The following ARHGAP39 variants were observed in gnomAD, a reference collection of about 807,000 sequenced individuals.
ARHGAP39 encodes the protein Rho GTPase activating protein 39.
ARHGAP39 carries 44 observed loss-of-function variants against 106.9 expected under a neutral mutation model. The ratio of observed to expected loss-of-function variants is 0.41; its 90% CI spans 0.32 to 0.53. The LOEUF (loss-of-function observed/expected upper bound fraction) is 0.53, where lower values mean the gene tolerates loss of function less well. Among genes scored for constraint, ARHGAP39 ranks in the 20% least tolerant of loss-of-function variants. The pLI is 0.21. For synonymous variants in ARHGAP39, 768 were observed against 693.2 expected, an observed-to-expected ratio of 1.11 and a Z score of -1.69; for missense variants, 1,496 against 1,577.3, an observed-to-expected ratio of 0.95 and a Z score of 0.87.
intron 3 of ARHGAP39, among the ~76,000 whole-genome samples, chr8:144,569,215 G>A (rs973943346): frequency 6.6e-6 from 1 of 152,138 alleles, no homozygotes; most frequent in African/African-American, 2.4e-5. Flanking sequence ...AACAAAGAGG[G>A]TCAATGATGA....
chr8:144,620,238 T>TG (rs1447519864), intron 1 of ARHGAP39, among the ~76,000 whole-genome samples: 1 of 145,784 alleles, frequency 6.9e-6, no homozygotes, highest in East Asian at 2.2e-4. Flanking sequence ...TGTGTGCCCG[T>TG]GTCTGTTAGC....
In ARHGAP39 at chr8:144,591,121, G is replaced by T. The variant is rs1420918651; in HGVS notation, c.81-9844C>A. Among the ~76,000 whole-genome samples the T allele has an allele frequency of 6.6e-6, 1 of 152,162 alleles. No individual in the cohort carries two copies. The highest frequency in any genetic ancestry group is 1.5e-5 in the Non-Finnish European group (1 of 68,018). ...TGCTTCCATGACCTCCTGGAGCCGG[G>T]TGGCTGCGCAGGCCTGGGGTGCAAG... is the stretch of plus-strand genomic sequence containing the variant. On this transcript the variant is annotated intron_variant, in intron 2 of 11. Transcript: ENST00000377307. This position sits in a 1 kb window ranked among gnomAD's most constrained non-coding sequence, Gnocchi z 5.3.
At chr8:144,606,796 G>C (rs2130948214) in intron 1 of ARHGAP39, among the ~76,000 whole-genome samples, 1 of 152,256 alleles carries the variant, frequency 6.6e-6, no homozygotes, top group South Asian at 2.1e-4. Flanking sequence ...GTAAAACTTA[G>C]TTCTAGATGC....
chr8:144,550,546 G>A (rs1311931341), intron 4 of ARHGAP39, among the ~76,000 whole-genome samples: 1 of 152,256 alleles, frequency 6.6e-6, no homozygotes, highest in African/African-American at 2.4e-5. Flanking sequence ...CATTGCCTGG[G>A]GGGTTGGTGA....
At chr8:144,608,215 T>G (rs1820369474) in intron 1 of ARHGAP39, among the ~76,000 whole-genome samples, 1 of 151,858 alleles carries the variant, frequency 6.6e-6, no homozygotes, top group Admixed American at 6.6e-5. Flanking sequence ...TCAAATATTT[T>G]TAATTTCTTG....
At chr8:144,699,118 G>C in the ARHGAP39 span, 1 of 319,080 alleles carries the variant, frequency 3.1e-6, no homozygotes. Context: ...CTCAGGCGCT[G>C]GGCGATGCAG....
chr8:144,543,416 G>A (rs1021577765), intron 6 of ARHGAP39, among the ~76,000 whole-genome samples: 5 of 152,214 alleles, frequency 3.3e-5, no homozygotes, highest in African/African-American at 1.2e-4. Context: ...TGGGCTCAGG[G>A]CCAATCAGGG....
At chr8:144,695,612 G>C in the ARHGAP39 span, among the ~76,000 whole-genome samples, 1 of 152,176 alleles carries the variant, frequency 6.6e-6, no homozygotes, top group Non-Finnish European at 1.5e-5. Flanking sequence ...AGCGCTCAAA[G>C]TTCTCTCGGC....
intron 2 of ARHGAP39, among the ~76,000 whole-genome samples, chr8:144,597,534 G>A (rs980540593): frequency 3.9e-5 from 6 of 152,216 alleles, no homozygotes; most frequent in African/African-American, 7.2e-5. Context: ...AGAGCCCCTC[G>A]CTGCCCCTTG....
rs777741227 is a variant in ARHGAP39, at chr8:144,644,412, G to C, written c.-81-38717C>G. On this transcript the variant is annotated intron_variant, in intron 1 of 11. Coordinates refer to ENST00000377307, the MANE Select transcript of ARHGAP39 (RefSeq NM_025251.3). This position sits in a 1 kb window ranked among gnomAD's most constrained non-coding sequence, Gnocchi z 4.8. ...TGGAGGCGGCTATGAGGCGGGGCTG[G>C]GCACAAAGCAGCAGCATCTTCTAGG... 2.6e-5 allele frequency among the ~76,000 whole-genome samples: 4 copies of C among 152,264 alleles called. No individual in the cohort carries two copies. Among genetic ancestry groups the C allele is most frequent in the Non-Finnish European group, 4.4e-5 (3 of 68,028 alleles).
chr8:144,597,032 G>A (rs1047797238), intron 2 of ARHGAP39, among the ~76,000 whole-genome samples: 3 of 152,204 alleles, frequency 2.0e-5, no homozygotes, highest in Admixed American at 6.5e-5. Context: ...CACACCAGAC[G>A]TGGTGAGGGA....
At chr8:144,658,299 A>G (rs2129674278) in intron 1 of ARHGAP39, among the ~76,000 whole-genome samples, 1 of 142,018 alleles carries the variant, frequency 7.0e-6, no homozygotes. Flanking sequence ...TTTGAGACAG[A>G]GCTTTGCTCT....
chr8:144,574,535 G>A (rs1333997125), intron 3 of ARHGAP39, among the ~76,000 whole-genome samples: 1 of 152,132 alleles, frequency 6.6e-6, no homozygotes, highest in Non-Finnish European at 1.5e-5. Flanking sequence ...TTAGCTGGGT[G>A]TGGTGGCGGG....
intron 1 of ARHGAP39, among the ~76,000 whole-genome samples, chr8:144,626,799 C>G (rs987588784): frequency 2.0e-5 from 3 of 152,216 alleles, no homozygotes; most frequent in African/African-American, 7.2e-5. Flanking sequence ...CTCCCCTCCT[C>G]GGCTAGAGAC....
chr8:144,624,249 C>T (rs1426831849), intron 1 of ARHGAP39, among the ~76,000 whole-genome samples: 1 of 152,210 alleles, frequency 6.6e-6, no homozygotes. Flanking sequence ...GCCCTTTGCA[C>T]TAAGTGTAAA....
At chr8:144,572,612 C>A (rs1818624968) in intron 3 of ARHGAP39, among the ~76,000 whole-genome samples, 2 of 152,098 alleles carry the variant, frequency 1.3e-5, no homozygotes, top group Admixed American at 1.3e-4. Context: ...GCAACAAAAG[C>A]CAAAATAGAT....
chr8:144,589,141 C>T (rs922613931), intron 2 of ARHGAP39, among the ~76,000 whole-genome samples: 24 of 152,146 alleles, frequency 1.6e-4, no homozygotes, highest in Admixed American at 1.2e-3. Context: ...TATCGGTGGC[C>T]GGAGGACCCT....
In ARHGAP39 at chr8:144,604,102, G is replaced by A. The variant is rs557916491; in HGVS notation, c.80+1433C>T. Among the ~76,000 whole-genome samples the A allele has an allele frequency of 3.8e-4, 58 of 152,334 alleles. 1 individual carries two copies. In the South Asian group the frequency reaches 0.012, roughly 32 times the overall value. On this transcript the variant is annotated intron_variant, in intron 2 of 11. Transcript: ENST00000377307. This position sits in a 1 kb window ranked among gnomAD's most constrained non-coding sequence, Gnocchi z 4.1. Reference sequence around the variant, plus strand: ...AGGCAGAGTGCGGATCGCAACTGTGGAAGGTGCACAGAGTCCCAGAAAGAC... The same window carrying A: ...AGGCAGAGTGCGGATCGCAACTGTGAAAGGTGCACAGAGTCCCAGAAAGAC...
chr8:144,596,736 G>A (rs534557624), intron 2 of ARHGAP39, among the ~76,000 whole-genome samples: 49 of 152,312 alleles, frequency 3.2e-4, no homozygotes, highest in African/African-American at 7.5e-4. Context: ...CGGGGTCCTC[G>A]GCGAAGATAA....
Sources: allele counts gnomAD v4.1 joint callset (sites outside exome capture counted in the v4.1 genomes callset), GRCh38; gene constraint gnomAD v4.1.1; non-coding constraint Gnocchi (gnomAD v3.1); transcripts MANE v1.5; gene names NCBI Gene and HGNC (gene_info 2026-07-23, HGNC 2026-07-21).